Variants in C1orf21 observed in about 807,000 individuals in gnomAD.
C1orf21 encodes the protein uncharacterized protein C1orf21.
C1orf21 carries 3 observed loss-of-function variants against 18.7 expected under a neutral mutation model. The observed-to-expected ratio is 0.16, with a 90% CI of 0.07 to 0.42. C1orf21 has a LOEUF of 0.42. Ranked by LOEUF, C1orf21 falls within the 10% of genes least tolerant of loss-of-function variation. C1orf21 has a pLI of 0.99. For missense variants in C1orf21, 104 were observed against 143.6 expected (o/e 0.72, Z 1.41); for synonymous variants, 41 against 46.4 (o/e 0.88, Z 0.47).
At chr1:184,534,384 G>T (rs892936258) in intron 3 of C1orf21, among the ~76,000 whole-genome samples, 1 of 152,176 alleles carries the variant, frequency 6.6e-6, no homozygotes, top group African/African-American at 2.4e-5. Flanking sequence ...AGAGTTAGAG[G>T]CAGAAGGTGG....
intron 2 of C1orf21, among the ~76,000 whole-genome samples, chr1:184,507,129 G>GT (rs1263746035): frequency 6.6e-6 from 1 of 151,928 alleles, no homozygotes; most frequent in Non-Finnish European, 1.5e-5. Context: ...GTCTTACTCT[G>GT]TTTTTTCAAA....
intron 3 of C1orf21, among the ~76,000 whole-genome samples, chr1:184,560,375 A>G (rs1292724385): frequency 6.6e-6 from 1 of 152,206 alleles, no homozygotes; most frequent in Non-Finnish European, 1.5e-5. Context: ...CTAGAGATTG[A>G]AAACCTTTTA....
chr1:184,432,168 C>T (rs181255974), intron 1 of C1orf21, among the ~76,000 whole-genome samples: 1 of 152,226 alleles, frequency 6.6e-6, no homozygotes, highest in African/African-American at 2.4e-5. Flanking sequence ...AATCCCATTA[C>T]TGGGTGTATA....
intron 5 of C1orf21, among the ~76,000 whole-genome samples, chr1:184,617,149 T>C (rs370660470): frequency 1.2e-4 from 19 of 152,292 alleles, no homozygotes; most frequent in African/African-American, 4.6e-4. Context: ...AGACACTATA[T>C]TTTTTTCCAT....
chr1:184,598,341 T>C, intron 4 of C1orf21, 60 bp from the exon 5 acceptor site: 1 of 1,518,574 alleles, frequency 6.6e-7, no homozygotes, highest in East Asian at 2.3e-5. Context: ...ATTTTTCCTT[T>C]GAGGGGACCA....
chr1:184,568,501 G>C (rs940097476), intron 3 of C1orf21: 1 of 460,802 alleles, frequency 2.2e-6, no homozygotes, highest in Non-Finnish European at 4.5e-6. Context: ...TATTATAAGG[G>C]AATAATATTT....
chr1:184,529,424 G>A (rs953039610), intron 3 of C1orf21, among the ~76,000 whole-genome samples: 8 of 152,302 alleles, frequency 5.3e-5, no homozygotes, highest in African/African-American at 1.9e-4. Flanking sequence ...TAGAGACATG[G>A]AGGAGAAGAA....
In C1orf21 at chr1:184,488,013, G is replaced by A. The variant is rs112302407; in HGVS notation, c.94+10410G>A. 1.0e-3 allele frequency among the ~76,000 whole-genome samples: 158 copies of A among 152,322 alleles called. 2 individuals carry two copies. The highest frequency in any genetic ancestry group is 3.8e-3 in the African/African-American group (156 of 41,576). ...GCAGTTTGCATTTCTGAAAATGGTT[G>A]CTTGGTTTCCTCTGATTACGCTGGA... On this transcript the variant is annotated intron_variant, in intron 2 of 5. Transcript: ENST00000235307.
chr1:184,510,665 A>G (rs1210627645), intron 3 of C1orf21, among the ~76,000 whole-genome samples: 1 of 152,204 alleles, frequency 6.6e-6, no homozygotes, highest in Non-Finnish European at 1.5e-5. Context: ...AGGTGTCAGT[A>G]GGGAAGCAGT....
intron 5 of C1orf21, among the ~76,000 whole-genome samples, chr1:184,608,847 G>A (rs1425254324): frequency 2.0e-5 from 3 of 152,140 alleles, no homozygotes; most frequent in Non-Finnish European, 1.5e-5. Flanking sequence ...GAAGAGGAAG[G>A]AAGCCAAACA....
At chr1:184,465,557 C>A (rs139136412) in intron 1 of C1orf21, among the ~76,000 whole-genome samples, 13 of 152,198 alleles carry the variant, frequency 8.5e-5, no homozygotes, top group African/African-American at 3.1e-4. Context: ...TTGTTTTTAT[C>A]GGCCTGTTCC....
At chr1:184,416,742 A>G (rs921523978) in intron 1 of C1orf21, among the ~76,000 whole-genome samples, 5 of 152,224 alleles carry the variant, frequency 3.3e-5, no homozygotes, top group African/African-American at 9.6e-5. Context: ...TCTTCAAAGA[A>G]TGATAATCAT....
At chr1:184,535,037 G>A (rs898981023) in intron 3 of C1orf21, among the ~76,000 whole-genome samples, 4 of 150,064 alleles carry the variant, frequency 2.7e-5, no homozygotes, top group African/African-American at 7.2e-5. Context: ...AGGTATTCTC[G>A]AGGCAACAAG....
At position 184,456,524 on chromosome 1, in the gene C1orf21, T is replaced by G. The variant is rs115976532; in HGVS notation, c.-124-20862T>G. On this transcript the variant is annotated intron_variant, in intron 1 of 5. Transcript: ENST00000235307. ...TCGATGACCTTCAGAAAGGTTATGA[T>G]ATGTTTATATTCTTTTACGGTAAAG... Among the ~76,000 whole-genome samples, 1,302 of 152,322 alleles carry G rather than the reference T, an allele frequency of 8.5e-3. 18 individuals carry two copies. The highest frequency in any genetic ancestry group is 0.03 in the African/African-American group (1,241 of 41,558).
intron 3 of C1orf21, among the ~76,000 whole-genome samples, chr1:184,569,776 A>C (rs1291874387): frequency 6.6e-6 from 1 of 152,200 alleles, no homozygotes; most frequent in Non-Finnish European, 1.5e-5. Flanking sequence ...TATTTTGAAG[A>C]TTGGGGCCAG....
intron 4 of C1orf21, 105 bp from the exon 5 acceptor site, chr1:184,598,296 A>T: frequency 1.0e-6 from 1 of 975,602 alleles, no homozygotes; most frequent in Non-Finnish European, 1.5e-6. Context: ...AGTCTGCAAT[A>T]AATAAATGTC....
chr1:184,519,896 T>C (rs1238389413), intron 3 of C1orf21, among the ~76,000 whole-genome samples: 2 of 152,212 alleles, frequency 1.3e-5, no homozygotes, highest in Non-Finnish European at 2.9e-5. Flanking sequence ...CCTTATGATT[T>C]TTATTTTTAC....
intron 5 of C1orf21, among the ~76,000 whole-genome samples, chr1:184,613,136 G>A (rs934968261): frequency 6.6e-6 from 1 of 152,172 alleles, no homozygotes; most frequent in African/African-American, 2.4e-5. Flanking sequence ...TTTTAGTAGA[G>A]ATGGGGTTTC....
chr1:184,470,930 A>G (rs1014858519), intron 1 of C1orf21, among the ~76,000 whole-genome samples: 1 of 152,008 alleles, frequency 6.6e-6, no homozygotes, highest in Non-Finnish European at 1.5e-5. Context: ...AATATCTGCC[A>G]TTGCCTTTGA....
Sources: allele counts gnomAD v4.1 joint callset (sites outside exome capture counted in the v4.1 genomes callset), GRCh38; gene constraint gnomAD v4.1.1; transcripts MANE v1.5; gene names NCBI Gene and HGNC (gene_info 2026-07-23, HGNC 2026-07-21).